MTPAP: variants seen among roughly 807,000 people sequenced by gnomAD.
The protein encoded by MTPAP is poly(A) RNA polymerase, mitochondrial.
MTPAP carries 23 observed loss-of-function variants against 48.7 expected under a neutral mutation model. That is an observed-to-expected ratio of 0.47 (90% CI 0.34 to 0.67). The LOEUF is 0.67. MTPAP is among the 30% of genes least tolerant of loss of function. The pLI, the probability that MTPAP is intolerant of heterozygous loss-of-function variation, is 0.01. For missense variants in MTPAP, 614 were observed against 694.3 expected (o/e 0.88, Z 1.30); for synonymous variants, 257 against 254.1 (o/e 1.01, Z -0.11).
chr10:30,345,411 T>G (rs1019796507), intron 1 of MTPAP, among the ~76,000 whole-genome samples: 1 of 152,236 alleles, frequency 6.6e-6, no homozygotes, highest in African/African-American at 2.4e-5. Context: ...TGCACATTTA[T>G]GCAAATATAT....
In MTPAP at chr10:30,332,975, G is replaced by A. The variant is rs917459413; in HGVS notation, c.780+3828C>T. Among the ~76,000 whole-genome samples, 12 of 151,978 alleles carry A rather than the reference G, an allele frequency of 7.9e-5. No individual in the cohort carries two copies. The East Asian group carries it at 2.3e-3, about 29-fold the overall frequency. ...TCTCTACTAAAAATACAAAAAATTA[G>A]CTGGGCGTGGTGGCGGGCGCCTGTA... On this transcript the variant is annotated intron_variant, in intron 4 of 8. Coordinates refer to ENST00000263063, the MANE Select transcript of MTPAP (RefSeq NM_018109.4).
intron 3 of MTPAP, among the ~76,000 whole-genome samples, chr10:30,338,365 A>G (rs1834755884): frequency 6.6e-6 from 1 of 152,160 alleles, no homozygotes; most frequent in South Asian, 2.1e-4. Flanking sequence ...AACTGAACTA[A>G]GCATTCAACT....
At chr10:30,340,735 A>G (rs748612630) in intron 2 of MTPAP, among the ~76,000 whole-genome samples, 56 of 152,250 alleles carry the variant, frequency 3.7e-4, no homozygotes, top group Admixed American at 1.1e-3. Context: ...CCTGGCCAAC[A>G]TGGTGAAACC....
At chr10:30,339,428 A>C (rs554197628) in intron 3 of MTPAP, among the ~76,000 whole-genome samples, 8 of 151,168 alleles carry the variant, frequency 5.3e-5, no homozygotes, top group African/African-American at 1.7e-4. Flanking sequence ...AGTTGCAGTA[A>C]GCCAAGATCA....
chr10:30,340,570 C>A, intron 2 of MTPAP, 120 bp from the exon 3 acceptor site: 3 of 801,646 alleles, frequency 3.7e-6, no homozygotes, highest in Non-Finnish European at 6.3e-6. Context: ...TTAAAATTTA[C>A]AAATGATATG....
chr10:30,313,698 C>T lies in MTPAP; in HGVS notation c.1660G>A (p.Val554Ile). The change falls in exon 9 of 9, where the codon GTC (valine) becomes ATC (isoleucine). Residue 554 changes from valine to isoleucine, a missense_variant. Around this residue, in one of 5 missense-constraint regions of MTPAP, gnomAD observed 109 missense variants for 100.5 expected, o/e 1.08. Transcript: ENST00000263063. The stretch of plus-strand genomic sequence containing the variant: ...TTTAAAGATTCTAGCAAGTTTTTGA[C>T]TGTTTCAATTGCAAACTTATTGCTT... ...KKSNKFAIETVKNLLESLKGN... is the reference protein window; with the variant it reads ...KKSNKFAIETIKNLLESLKGN... The T allele has an allele frequency of 6.2e-7, 1 of 1,614,192 alleles. No individual in the cohort carries two copies. Among genetic ancestry groups the T allele is most frequent in the Non-Finnish European group, 8.5e-7 (1 of 1,180,004 alleles).
chr10:30,327,404 C>T (rs983397335), intron 4 of MTPAP, among the ~76,000 whole-genome samples: 1 of 151,088 alleles, frequency 6.6e-6, no homozygotes, highest in Non-Finnish European at 1.5e-5. Context: ...GAGGCTGAGG[C>T]AGGAGAATTA....
intron 1 of MTPAP, 142 bp downstream of exon 1, chr10:30,348,977 C>G (rs921781664): frequency 1.6e-6 from 2 of 1,254,624 alleles, no homozygotes; most frequent in Admixed American, 4.0e-5. Flanking sequence ...CTACAGAGAT[C>G]AGAGGAGAGG....
intron 4 of MTPAP, among the ~76,000 whole-genome samples, chr10:30,331,604 T>C (rs1175329694): frequency 6.6e-6 from 1 of 152,252 alleles, no homozygotes; most frequent in Non-Finnish European, 1.5e-5. Context: ...TCTTGCTCTG[T>C]CGCCCAGGCT....
rs554213172 is a variant in MTPAP at position 30,331,263 on chromosome 10, T to C, written c.781-4628A>G. Among the ~76,000 whole-genome samples, 14 of 152,388 alleles carry C rather than the reference T, an allele frequency of 9.2e-5. No homozygotes were observed. The South Asian group carries it at 2.9e-3, about 32-fold the overall frequency. On this transcript the variant is annotated intron_variant, in intron 4 of 8. Coordinates refer to ENST00000263063, the MANE Select transcript of MTPAP (RefSeq NM_018109.4). Reference sequence around the variant, plus strand: ...TGTGTGCTATTCCTATAGCACTATCTGTTTATTAGCAAATCATCTAATAAA... The same window carrying C: ...TGTGTGCTATTCCTATAGCACTATCCGTTTATTAGCAAATCATCTAATAAA...
chr10:30,326,377 T>C (rs1043148153), intron 5 of MTPAP, 47 bp downstream of exon 5: 1 of 1,501,610 alleles, frequency 6.7e-7, no homozygotes, highest in African/African-American at 1.4e-5. Context: ...ACTAAGCTAA[T>C]ATATCAGAAT....
At position 30,341,631 on chromosome 10, in the gene MTPAP, T is replaced by C. The variant is rs1373867457; in HGVS notation, c.167A>G (p.Asp56Gly). ...AGAGAATCTCCTTTTGGGAATCTTG[T>C]CTTCAAAGCCTATGAACGAGACAAA... ...PSGSVETGFEDKIPKRRFSEM... is the reference protein window; with the variant it reads ...PSGSVETGFEGKIPKRRFSEM... Residue 56 changes from aspartate (D) to glycine (G), a missense_variant, in exon 2 of 9, where the codon GAC becomes GGC. Transcript: ENST00000263063. 1.9e-6 allele frequency: 3 copies of C among 1,613,938 alleles called. No homozygotes were observed. In the Admixed American group the frequency reaches 5.0e-5, roughly 27 times the overall value.
At chr10:30,315,916 C>G (rs899451082) in intron 8 of MTPAP, 47 bp downstream of exon 8, 9 of 1,458,070 alleles carry the variant, frequency 6.2e-6, no homozygotes, top group Non-Finnish European at 6.6e-6. Context: ...AATATTAGTA[C>G]AGTGGAAGAC....
intron 4 of MTPAP, among the ~76,000 whole-genome samples, chr10:30,329,843 T>C (rs958168639): frequency 5.3e-5 from 8 of 152,128 alleles, no homozygotes; most frequent in Non-Finnish European, 8.8e-5. Flanking sequence ...GTACATCCAT[T>C]CAATGGAGTA....
Position 30,340,505 on chromosome 10 carries a change from CTATTT to C in MTPAP, c.331-60_331-56del, listed in dbSNP as rs36002941. The C allele has an allele frequency of 0.25, 299,592 of 1,203,918 alleles. 38,796 individuals carry two copies. Among genetic ancestry groups the C allele is most frequent in the Non-Finnish European group, 0.27 (215,291 of 806,862 alleles). 74.6% of individuals were successfully genotyped at this position (1,203,918 alleles called of 1,614,324 possible). On this transcript the variant is annotated intron_variant, in intron 2 of 8. Transcript: ENST00000263063. ...CACATTTCACGATATATCTAACATA[CTATTT>C]TAGCTCATATATTAAAACAATTATC... is the stretch of plus-strand genomic sequence containing the variant.
intron 8 of MTPAP, among the ~76,000 whole-genome samples, chr10:30,315,672 G>A (rs1319341448): frequency 6.6e-6 from 1 of 152,110 alleles, no homozygotes; most frequent in African/African-American, 2.4e-5. Context: ...GAAACTTTCT[G>A]GAATGTATTC....
intron 4 of MTPAP, among the ~76,000 whole-genome samples, chr10:30,330,083 T>C (rs1164219311): frequency 1.3e-5 from 2 of 152,212 alleles, no homozygotes; most frequent in African/African-American, 4.8e-5. Flanking sequence ...TGTATTTCTA[T>C]GTCTATCATT....
At chr10:30,323,637 G>A (rs1390632622) in intron 5 of MTPAP, among the ~76,000 whole-genome samples, 1 of 151,994 alleles carries the variant, frequency 6.6e-6, no homozygotes, top group Non-Finnish European at 1.5e-5. Flanking sequence ...AGCCTCCCAA[G>A]TAGCTGGGAC....
chr10:30,336,759 T>C (rs745441824), intron 4 of MTPAP, 44 bp downstream of exon 4: 34 of 1,449,572 alleles, frequency 2.3e-5, no homozygotes, highest in Middle Eastern at 2.4e-4. Context: ...TTTTATACTT[T>C]CTTAACTTTA....
Sources: gnomAD v4.1 joint callset for allele counts (sites outside exome capture counted in the v4.1 genomes callset) on GRCh38, gnomAD v4.1.1 for gene constraint, gnomAD v4.1.1 regional missense constraint, MANE v1.5 for transcripts, NCBI Gene and HGNC (gene_info 2026-07-23, HGNC 2026-07-21) for gene names.